Variants in C4BPB observed in about 807,000 individuals in gnomAD.
The protein encoded by C4BPB is complement component 4 binding protein beta.
Under a neutral mutation model 26.6 loss-of-function variants are expected in C4BPB, and 19 were observed. The observed-to-expected ratio is 0.71, with a 90% confidence interval of 0.50 to 1.05. The LOEUF (loss-of-function observed/expected upper bound fraction) is 1.05, where lower values mean the gene tolerates loss of function less well. Ranked by LOEUF, C4BPB falls within the 50% of genes least tolerant of loss-of-function variation. The pLI, the probability that C4BPB is intolerant of heterozygous loss-of-function variation, is 0.00. For synonymous variants in C4BPB, 118 were observed against 103.5 expected (o/e 1.14, Z -0.85); for missense variants, 282 against 302.9 (o/e 0.93, Z 0.51).
chr1:207,090,186 G>A (rs1683969194), intron 2 of C4BPB, 122 bp from the exon 3 acceptor site: 1 of 757,772 alleles, frequency 1.3e-6, no homozygotes, highest in Non-Finnish European at 2.1e-6. Context: ...CAGAGTACTT[G>A]GGAAGAGCAC....
chr1:207,089,941 T>C (rs1291858467), intron 2 of C4BPB, among the ~76,000 whole-genome samples: 1 of 152,184 alleles, frequency 6.6e-6, no homozygotes, highest in Non-Finnish European at 1.5e-5. Context: ...TGTGGTTGAA[T>C]TTGAGTAAAA....
intron 4 of C4BPB, chr1:207,095,453 C>G (rs1378100543): frequency 6.6e-6 from 3 of 455,536 alleles, no homozygotes; most frequent in Non-Finnish European, 1.3e-5. Context: ...GCCTCAGCCT[C>G]CCAAGTAGCT....
chr1:207,099,321 A>G (rs1273894907), intron 6 of C4BPB, among the ~76,000 whole-genome samples: 1 of 152,214 alleles, frequency 6.6e-6, no homozygotes, highest in Non-Finnish European at 1.5e-5. Flanking sequence ...TCAGGCAGCA[A>G]TGTGAGCAAA....
At chr1:207,095,363 C>T in intron 4 of C4BPB, 2 of 456,696 alleles carry the variant, frequency 4.4e-6, no homozygotes, top group South Asian at 3.1e-5. Flanking sequence ...CAGAGTCTTG[C>T]TCTGTTTCCC....
At chr1:207,090,532 C>T (rs767723643) in intron 3 of C4BPB, 51 bp downstream of exon 3, 199 of 1,466,682 alleles carry the variant, frequency 1.4e-4, no homozygotes, top group Non-Finnish European at 7.0e-5. Flanking sequence ...CTGTTTTACT[C>T]CTTCACATCC....
chr1:207,091,537 A>G lies in C4BPB; in HGVS notation c.233-107A>G, dbSNP rs1684024896. ...CTTCACTCAATTAAAAATGTGCAGT[A>G]TTAACTCTAATTTGCTGTTTTCTCA... On this transcript the variant is annotated intron_variant, in intron 3 of 6. Coordinates refer to ENST00000367078, the MANE Select transcript of C4BPB (RefSeq NM_001017365.3). 4 of 794,976 alleles carry G rather than the reference A, an allele frequency of 5.0e-6. No individual in the cohort carries two copies. In the African/African-American group the frequency reaches 6.9e-5, roughly 14 times the overall value. 49.2% of individuals were successfully genotyped at this position (794,976 alleles called of 1,614,324 possible). A position where few individuals can be genotyped will look rare whatever the true frequency, so the allele number is the denominator to read the frequency against.
Position 207,096,625 on chromosome 1 carries a change from C to T in C4BPB, c.503+10C>T. ...ATTACTGTGAAGACAGGTAAGTGAA[C>T]ACAGCCTGTCAAATGCCAGATCTTG... On this transcript the variant is annotated intron_variant, in intron 5 of 6. Transcript: ENST00000367078. 1 of 1,460,468 alleles carries T rather than the reference C, an allele frequency of 6.8e-7. No individual in the cohort carries two copies. The highest frequency in any genetic ancestry group is 9.5e-7 in the Non-Finnish European group (1 of 1,052,366). The allele number at this position is 1,460,468 out of a possible 1,614,324, so 90.5% of individuals were successfully genotyped here. A position where few individuals can be genotyped will look rare whatever the true frequency, so the allele number is the denominator to read the frequency against.
chr1:207,096,387 G>GT, intron 4 of C4BPB, 135 bp from the exon 5 acceptor site: 1 of 687,848 alleles, frequency 1.5e-6, no homozygotes, highest in Non-Finnish European at 2.7e-6. Context: ...AGGTGTTGCT[G>GT]TGAGGATGTC....
intron 5 of C4BPB, among the ~76,000 whole-genome samples, chr1:207,097,109 G>C (rs1469433829): frequency 6.6e-6 from 1 of 152,166 alleles, no homozygotes; most frequent in African/African-American, 2.4e-5. Flanking sequence ...GGAGGCGGAG[G>C]TTGCAGTGAG....
At chr1:207,098,037 G>C in intron 5 of C4BPB, 113 bp from the exon 6 acceptor site, 1 of 793,810 alleles carries the variant, frequency 1.3e-6, no homozygotes, top group Non-Finnish European at 2.1e-6. Context: ...CTCAAGGGCA[G>C]GGAGGTGGAT....
rs568269279 is a variant in C4BPB at position 207,089,134 on chromosome 1, T to C, written c.-51+188T>C. 8 of 183,446 alleles carry C rather than the reference T, an allele frequency of 4.4e-5. No homozygotes were observed. In the South Asian group the frequency reaches 9.4e-4, roughly 22 times the overall value. The allele number at this position is 183,446 out of a possible 1,614,324, so 11.4% of individuals were successfully genotyped here. On this transcript the variant is annotated intron_variant, in intron 1 of 6. Coordinates refer to ENST00000367078, the MANE Select transcript of C4BPB (RefSeq NM_001017365.3). ...AGTTACAGAAGTTGGACTGTAAACA[T>C]TGGCAACTATTGACAGAAGTCAAGG...
chr1:207,099,209 A>C (rs994539247), intron 6 of C4BPB, among the ~76,000 whole-genome samples: 1 of 152,214 alleles, frequency 6.6e-6, no homozygotes, highest in Non-Finnish European at 1.5e-5. Context: ...TTAGACTCTC[A>C]TAAAGAGGGG....
intron 4 of C4BPB, 160 bp from the exon 5 acceptor site, chr1:207,096,362 G>T: frequency 3.2e-6 from 2 of 633,210 alleles, no homozygotes; most frequent in East Asian, 2.9e-5. Flanking sequence ...TGAAGAACAG[G>T]TTTCCAGATC....
At chr1:207,096,866 A>G in intron 5 of C4BPB, among the ~76,000 whole-genome samples, 1 of 152,216 alleles carries the variant, frequency 6.6e-6, no homozygotes, top group East Asian at 1.9e-4. Context: ...AAGACAAGAT[A>G]AATTATTTAA....
At chr1:207,097,944 C>T in intron 5 of C4BPB, 1 of 496,756 alleles carries the variant, frequency 2.0e-6, no homozygotes, top group East Asian at 3.5e-5. Flanking sequence ...TGACTCATCA[C>T]TTGGGTCCTC....
At chr1:207,089,250 C>G in intron 1 of C4BPB, 1 of 397,406 alleles carries the variant, frequency 2.5e-6, no homozygotes, top group South Asian at 5.0e-5. Flanking sequence ...TTCCCAGAAA[C>G]CAGGAAATTT....
chr1:207,090,965 T>A (rs1684002545), intron 3 of C4BPB, among the ~76,000 whole-genome samples: 1 of 152,214 alleles, frequency 6.6e-6, no homozygotes, highest in African/African-American at 2.4e-5. Context: ...ATCATATAAC[T>A]TTTGAACTGG....
At chr1:207,094,001 C>A (rs1273896949) in intron 4 of C4BPB, among the ~76,000 whole-genome samples, 1 of 152,028 alleles carries the variant, frequency 6.6e-6, no homozygotes, top group Non-Finnish European at 1.5e-5. Flanking sequence ...GGATATTGAA[C>A]ATTACAAATG....
chr1:207,095,792 T>A (rs1027523975), intron 4 of C4BPB: 3 of 235,256 alleles, frequency 1.3e-5, no homozygotes, highest in Non-Finnish European at 2.5e-5. Flanking sequence ...TCTCCCTAGG[T>A]ACTGTCCTCA....
Sources: gnomAD v4.1 joint callset for allele counts (sites outside exome capture counted in the v4.1 genomes callset) on GRCh38, gnomAD v4.1.1 for gene constraint, MANE v1.5 for transcripts, NCBI Gene and HGNC (gene_info 2026-07-23, HGNC 2026-07-21) for gene names.